AHDC1: variants seen among roughly 807,000 people sequenced by gnomAD.
AHDC1 encodes the protein AT-hook DNA binding motif containing 1.
A neutral mutation model predicts 87.9 loss-of-function variants in AHDC1; 7 were observed. That is an observed-to-expected ratio of 0.08 (90% CI 0.05 to 0.15). AHDC1 has a LOEUF of 0.15. Ranked by LOEUF, AHDC1 falls within the 10% of genes least tolerant of loss-of-function variation. The pLI is 1.00. For missense variants in AHDC1, 1,841 were observed against 2,253.2 expected (o/e 0.82, Z 3.70); for synonymous variants, 1,051 against 1,006.8 (o/e 1.04, Z -0.83).
chr1:27,570,435 G>A (rs984573440), intron 3 of AHDC1, among the ~76,000 whole-genome samples: 2 of 152,050 alleles, frequency 1.3e-5, no homozygotes, highest in African/African-American at 4.8e-5. Context: ...GCCATGAGGA[G>A]TCAGGCACAG....
Position 27,548,015 on chromosome 1 carries a change from C to G in AHDC1, c.4101G>C (p.Ser1367=). Residue 1367 remains serine, a synonymous_variant, in exon 8 of 9, where the codon TCG becomes TCC. Coordinates refer to ENST00000673934, the MANE Select transcript of AHDC1 (RefSeq NM_001371928.1). Reference sequence around the variant, plus strand: ...CAAGCTCGGGAGCACCCAGGCTGGGCGAGTCGCAGTGGAAGCCTTGGCCAA... The same window carrying G: ...CAAGCTCGGGAGCACCCAGGCTGGGGGAGTCGCAGTGGAAGCCTTGGCCAA... ...GTFGQGFHCD[S]PSLGAPELDG... 6.2e-7 allele frequency: 1 copy of G among 1,609,904 alleles called. No homozygotes were observed. The highest frequency in any genetic ancestry group is 1.1e-5 in the South Asian group (1 of 90,896).
chr1:27,569,008 C>T (rs186118311), intron 3 of AHDC1, among the ~76,000 whole-genome samples: 130 of 152,146 alleles, frequency 8.5e-4, no homozygotes, highest in African/African-American at 2.9e-3. Context: ...CCCCAGAAAT[C>T]GGCCGTAAGA....
intron 3 of AHDC1, among the ~76,000 whole-genome samples, chr1:27,564,624 T>C (rs1461670716): frequency 1.3e-5 from 2 of 152,154 alleles, no homozygotes; most frequent in African/African-American, 4.8e-5. Context: ...CTGGAGCTGT[T>C]TCTTTAAGAC....
At position 27,595,503 on chromosome 1, in the gene AHDC1, T is replaced by C. The variant is rs75771973; in HGVS notation, c.-629+7894A>G. Among the ~76,000 whole-genome samples the C allele has an allele frequency of 6.6e-6, 1 of 150,640 alleles. No individual in the cohort carries two copies. Among genetic ancestry groups the C allele is most frequent in the African/African-American group, 2.5e-5 (1 of 40,698 alleles). On this transcript the variant is annotated intron_variant, in intron 3 of 8. Transcript: ENST00000673934. The surrounding 1 kb of genome is among the most constrained non-coding windows in gnomAD (Gnocchi z 4.0). The stretch of plus-strand genomic sequence containing the variant: ...GTGTGTTGGGGTGTTTAGGGATGTA[T>C]TGGGGGGTCATAAAAATGTGGGTTT...
At chr1:27,554,720 G>A (rs764778385) in intron 5 of AHDC1, among the ~76,000 whole-genome samples, 70 of 152,172 alleles carry the variant, frequency 4.6e-4, no homozygotes, top group Admixed American at 7.2e-4. Flanking sequence ...TGGGACCTAT[G>A]TGCCACAGAC....
chr1:27,544,727 G>C (rs1160657505), intron 8 of AHDC1, among the ~76,000 whole-genome samples: 1 of 152,154 alleles, frequency 6.6e-6, no homozygotes. Context: ...AGAGCCTGTG[G>C]GTCATCTTAG....
chr1:27,583,486 G>C (rs1031977457), intron 3 of AHDC1, among the ~76,000 whole-genome samples: 4 of 152,106 alleles, frequency 2.6e-5, no homozygotes, highest in Non-Finnish European at 2.9e-5. Flanking sequence ...AAACCCACTC[G>C]GGGAGTGTAT....
chr1:27,574,473 T>C (rs2088643952), intron 3 of AHDC1, among the ~76,000 whole-genome samples: 1 of 152,210 alleles, frequency 6.6e-6, no homozygotes, highest in South Asian at 2.1e-4. Flanking sequence ...TAGTGTTATC[T>C]AGTTTTTCAC....
At chr1:27,576,230 G>A (rs1163805548) in intron 3 of AHDC1, among the ~76,000 whole-genome samples, 3 of 152,114 alleles carry the variant, frequency 2.0e-5, no homozygotes, top group Non-Finnish European at 4.4e-5. Context: ...GAGCTACCCG[G>A]CTTTATAGGG....
At chr1:27,586,896 C>A (rs1230335546) in intron 3 of AHDC1, among the ~76,000 whole-genome samples, 1 of 152,224 alleles carries the variant, frequency 6.6e-6, no homozygotes, top group Non-Finnish European at 1.5e-5. Context: ...CACCCTGGTC[C>A]TCTCTTCTGG....
rs368060829 is a variant in AHDC1, at chr1:27,561,695, CAG to C, written c.-628-2814_-628-2813del. Among the ~76,000 whole-genome samples the C allele has an allele frequency of 1.6e-4, 24 of 151,242 alleles. No homozygotes were observed. The South Asian group carries it at 4.9e-3, about 31-fold the overall frequency. The stretch of plus-strand genomic sequence containing the variant: ...CACACAAGAGAGAGAGAGGAAAAGA[CAG>C]AGAGAGAGAGCGTGCCAGAGGGAGA... On this transcript the variant is annotated intron_variant, in intron 3 of 8. Transcript: ENST00000673934. This position sits in a 1 kb window ranked among gnomAD's most constrained non-coding sequence, Gnocchi z 4.2.
Position 27,558,799 on chromosome 1 carries a change from C to A in AHDC1, c.-544G>T. On this transcript the variant is annotated 5_prime_UTR_variant, in exon 4 of 9. Coordinates refer to ENST00000673934, the MANE Select transcript of AHDC1 (RefSeq NM_001371928.1). The surrounding 1 kb of genome is among the most constrained non-coding windows in gnomAD (Gnocchi z 5.6). ...GTCTCTGCAACGGCCTGAGCGTCGC[C>A]CCGCACTCGGGGCCCTCTGCACACG... is the stretch of plus-strand genomic sequence containing the variant. 2.5e-6 allele frequency: 1 copy of A among 398,630 alleles called. No individual in the cohort carries two copies. Among genetic ancestry groups the A allele is most frequent in the Non-Finnish European group, 4.4e-6 (1 of 226,090 alleles). The allele number at this position is 398,630 out of a possible 1,614,324, so 24.7% of individuals were successfully genotyped here. A position where few individuals can be genotyped will look rare whatever the true frequency, so the allele number is the denominator to read the frequency against.
chr1:27,544,389 G>A (rs941334558), intron 8 of AHDC1, among the ~76,000 whole-genome samples: 3 of 152,290 alleles, frequency 2.0e-5, no homozygotes, highest in African/African-American at 7.2e-5. Context: ...GGTTTTTTGT[G>A]TACTTGTTTT....
intron 8 of AHDC1, among the ~76,000 whole-genome samples, chr1:27,545,960 G>A (rs1032250405): frequency 6.6e-6 from 1 of 152,194 alleles, no homozygotes; most frequent in African/African-American, 2.4e-5. Flanking sequence ...GTCACCTTCA[G>A]GCACCAGGGG....
intron 3 of AHDC1, among the ~76,000 whole-genome samples, chr1:27,566,955 C>G (rs138965450): frequency 5.9e-5 from 9 of 151,886 alleles, no homozygotes; most frequent in Non-Finnish European, 1.3e-4. Flanking sequence ...AAGGAAGAAG[C>G]CTCGCCCCTG....
intron 3 of AHDC1, among the ~76,000 whole-genome samples, chr1:27,597,153 G>T (rs892167879): frequency 2.0e-5 from 3 of 152,166 alleles, no homozygotes; most frequent in African/African-American, 7.2e-5. Context: ...GGGGGTGGGG[G>T]GCAGGTGGCA....
At chr1:27,555,626 A>T (rs1420498496) in intron 5 of AHDC1, among the ~76,000 whole-genome samples, 2 of 152,204 alleles carry the variant, frequency 1.3e-5, no homozygotes, top group Non-Finnish European at 2.9e-5. Flanking sequence ...AAAGGGGCTC[A>T]GACTCTGGAA....
chr1:27,544,737 G>C (rs1571218772), intron 8 of AHDC1, among the ~76,000 whole-genome samples: 2 of 152,130 alleles, frequency 1.3e-5, no homozygotes, highest in South Asian at 4.1e-4. Flanking sequence ...GGTCATCTTA[G>C]ATAGAGAGAG....
rs981518217 is a variant in AHDC1 at position 27,560,196 on chromosome 1, C to A, written c.-628-1313G>T. On this transcript the variant is annotated intron_variant, in intron 3 of 8. Transcript: ENST00000673934. This position sits in a 1 kb window ranked among gnomAD's most constrained non-coding sequence, Gnocchi z 4.1. Reference sequence around the variant, plus strand: ...TGCACTTTTCACGTTTATTTCTATTCGTTTTGTGTGTGTGTGTGTGTGTGT... The same window carrying A: ...TGCACTTTTCACGTTTATTTCTATTAGTTTTGTGTGTGTGTGTGTGTGTGT... Among the ~76,000 whole-genome samples the A allele has an allele frequency of 2.7e-5, 2 of 73,216 alleles. No homozygotes were observed. Among genetic ancestry groups the A allele is most frequent in the African/African-American group, 1.1e-4 (2 of 18,190 alleles). The allele number at this position is 73,216 out of a possible 152,430, so 48.0% of individuals were successfully genotyped here.
Sources: gnomAD v4.1 joint callset for allele counts (sites outside exome capture counted in the v4.1 genomes callset) on GRCh38, gnomAD v4.1.1 for gene constraint, Gnocchi (gnomAD v3.1) non-coding constraint, MANE v1.5 for transcripts, NCBI Gene and HGNC (gene_info 2026-07-23, HGNC 2026-07-21) for gene names.